Variants in L3MBTL3 observed in about 807,000 individuals in gnomAD.
The protein encoded by L3MBTL3 is lethal(3)malignant brain tumor-like protein 3.
Under a neutral mutation model 102.3 loss-of-function variants are expected in L3MBTL3, and 27 were observed. That is an observed-to-expected ratio of 0.26 (90% CI 0.19 to 0.36). L3MBTL3 has a LOEUF of 0.36. L3MBTL3 is among the 10% of genes least tolerant of loss of function. L3MBTL3 has a pLI of 1.00. For synonymous variants in L3MBTL3, 340 were observed against 320.9 expected (o/e 1.06, Z -0.64); for missense variants, 798 against 955.3 (o/e 0.84, Z 2.17).
At chr6:130,041,176 A>G (rs901352684) in intron 2 of L3MBTL3, among the ~76,000 whole-genome samples, 4 of 152,168 alleles carry the variant, frequency 2.6e-5, no homozygotes, top group Non-Finnish European at 4.4e-5. Context: ...TCTTCCTTAT[A>G]TCTTTGTGGT....
intron 2 of L3MBTL3, among the ~76,000 whole-genome samples, chr6:130,026,971 T>G (rs1779394302): frequency 6.6e-6 from 1 of 152,058 alleles, no homozygotes; most frequent in African/African-American, 2.4e-5. Context: ...AAATGTGTCC[T>G]AGAATCAAAG....
intron 2 of L3MBTL3, among the ~76,000 whole-genome samples, chr6:130,042,143 G>A (rs890583560): frequency 4.6e-5 from 7 of 152,020 alleles, no homozygotes; most frequent in African/African-American, 1.7e-4. Flanking sequence ...ATGGAAATTT[G>A]TTTTCCAATT....
At chr6:130,068,541 A>G (rs1782424164) in intron 12 of L3MBTL3, 120 bp downstream of exon 12, 1 of 560,446 alleles carries the variant, frequency 1.8e-6, no homozygotes, top group Admixed American at 3.1e-5. Context: ...TAAATAGAGT[A>G]CTCTTATCTT....
chr6:130,043,862 A>G (rs1562260852), intron 3 of L3MBTL3, among the ~76,000 whole-genome samples: 1 of 152,170 alleles, frequency 6.6e-6, no homozygotes, highest in Non-Finnish European at 1.5e-5. Context: ...AATTAAGTGT[A>G]ATGTGCCAAC....
chr6:130,076,635 A>G (rs187155299), intron 13 of L3MBTL3, among the ~76,000 whole-genome samples: 1 of 152,308 alleles, frequency 6.6e-6, no homozygotes, highest in Admixed American at 6.5e-5. Flanking sequence ...AAGGAAGAGT[A>G]CAGCAATCAG....
chr6:130,038,457 A>G (rs1303147335), intron 2 of L3MBTL3, among the ~76,000 whole-genome samples: 1 of 151,460 alleles, frequency 6.6e-6, no homozygotes, highest in Non-Finnish European at 1.5e-5. Context: ...CATAATTGCC[A>G]TTTTAATTGG....
chr6:130,027,596 G>A (rs1779434122), intron 2 of L3MBTL3, among the ~76,000 whole-genome samples: 1 of 152,100 alleles, frequency 6.6e-6, no homozygotes, highest in South Asian at 2.1e-4. Flanking sequence ...ATCAAGATAA[G>A]CCTGTAGACT....
Position 130,037,210 on chromosome 6 carries a change from G to A in L3MBTL3, c.-15-5475G>A, listed in dbSNP as rs138386640. Among the ~76,000 whole-genome samples the A allele has an allele frequency of 1.9e-3, 296 of 152,192 alleles. 1 individual carries two copies. Among genetic ancestry groups the A allele is most frequent in the African/African-American group, 6.4e-3 (264 of 41,536 alleles). On this transcript the variant is annotated intron_variant, in intron 2 of 22. Transcript: ENST00000361794. Reference sequence around the variant, plus strand: ...TATCAAATGCTATTATATTTATGGAGACTGTAATAACCAGGATAGTCACAG... The same window carrying A: ...TATCAAATGCTATTATATTTATGGAAACTGTAATAACCAGGATAGTCACAG...
chr6:130,108,080 T>G (rs1439883592), intron 19 of L3MBTL3, among the ~76,000 whole-genome samples: 1 of 152,288 alleles, frequency 6.6e-6, no homozygotes, highest in South Asian at 2.1e-4. Context: ...CTTGCTAGGT[T>G]TATGATCTTT....
At chr6:130,099,212 TTAGAG>T (rs377049409) in intron 18 of L3MBTL3, among the ~76,000 whole-genome samples, 96 of 152,230 alleles carry the variant, frequency 6.3e-4, no homozygotes, top group African/African-American at 2.2e-3. Context: ...AATAAAGTAC[TTAGAG>T]TAGAGAACAG....
At chr6:130,042,431 A>G (rs559224877) in intron 2 of L3MBTL3, among the ~76,000 whole-genome samples, 1 of 149,330 alleles carries the variant, frequency 6.7e-6, no homozygotes, top group African/African-American at 2.4e-5. Flanking sequence ...TCTTTTGTTT[A>G]TGAATAGAAA....
chr6:130,127,441 C>A (rs1786684055), intron 20 of L3MBTL3, among the ~76,000 whole-genome samples: 1 of 152,126 alleles, frequency 6.6e-6, no homozygotes, highest in South Asian at 2.1e-4. Context: ...GGGTCATTGT[C>A]CTCTGTAGCC....
intron 10 of L3MBTL3, among the ~76,000 whole-genome samples, chr6:130,064,133 T>C (rs1402046975): frequency 3.9e-5 from 6 of 152,226 alleles, no homozygotes; most frequent in Non-Finnish European, 7.3e-5. Flanking sequence ...GGAGACAAGA[T>C]GGATACCTGA....
chr6:130,104,627 G>T, intron 19 of L3MBTL3, 52 bp downstream of exon 19: 1 of 1,284,726 alleles, frequency 7.8e-7, no homozygotes, highest in South Asian at 2.1e-5. Context: ...AATTTAAAGA[G>T]ATTTTTTATC....
intron 20 of L3MBTL3, among the ~76,000 whole-genome samples, chr6:130,128,155 TATAA>T (rs1786739977): frequency 6.6e-6 from 1 of 152,324 alleles, no homozygotes; most frequent in South Asian, 2.1e-4. Flanking sequence ...TTCTGACTGT[TATAA>T]ATGTTTTTGC....
chr6:130,073,597 G>A (rs888021213), intron 13 of L3MBTL3, among the ~76,000 whole-genome samples: 1 of 152,100 alleles, frequency 6.6e-6, no homozygotes, highest in South Asian at 2.1e-4. Context: ...TGTTTTAAAG[G>A]TATAAGTTGC....
At chr6:130,054,270 A>C (rs1275274643) in intron 7 of L3MBTL3, among the ~76,000 whole-genome samples, 1 of 152,100 alleles carries the variant, frequency 6.6e-6, no homozygotes, top group Non-Finnish European at 1.5e-5. Context: ...TTGAAGAGGT[A>C]CCTGTGGTCC....
At chr6:130,077,818 G>A (rs1783053847) in intron 13 of L3MBTL3, among the ~76,000 whole-genome samples, 1 of 152,142 alleles carries the variant, frequency 6.6e-6, no homozygotes, top group South Asian at 2.1e-4. Flanking sequence ...TAGCAAAACT[G>A]ACTGGACTCC....
intron 8 of L3MBTL3, 28 bp from the exon 9 acceptor site, chr6:130,057,378 T>G: frequency 3.8e-6 from 6 of 1,562,356 alleles, no homozygotes; most frequent in Non-Finnish European, 5.2e-6. Context: ...TTGGAAATTC[T>G]GTCATTTCCG....
Sources: gnomAD v4.1 joint callset for allele counts (sites outside exome capture counted in the v4.1 genomes callset) on GRCh38, gnomAD v4.1.1 for gene constraint, MANE v1.5 for transcripts, NCBI Gene and HGNC (gene_info 2026-07-23, HGNC 2026-07-21) for gene names.